Variants in PSMA5 observed in about 807,000 individuals in gnomAD.
PSMA5 encodes the protein proteasome subunit alpha type-5.
PSMA5 carries 3 observed loss-of-function variants against 34.5 expected under a neutral mutation model. The observed-to-expected ratio is 0.09, with a 90% CI of 0.04 to 0.22. The LOEUF (loss-of-function observed/expected upper bound fraction) is 0.22. Ranked by LOEUF, PSMA5 falls within the 10% of genes least tolerant of loss-of-function variation. The pLI is 1.00. For missense variants in PSMA5, 120 were observed against 286.1 expected, an observed-to-expected ratio of 0.42 and a Z score of 4.19; for synonymous variants, 88 against 95.8, an observed-to-expected ratio of 0.92 and a Z score of 0.47.
intron 8 of PSMA5, among the ~76,000 whole-genome samples, chr1:109,408,474 CTA>C (rs568351064): frequency 4.6e-5 from 7 of 152,160 alleles, no homozygotes; most frequent in Non-Finnish European, 1.0e-4. Flanking sequence ...TTCTTATTAT[CTA>C]TATGTTCCCT....
chr1:109,412,179 G>A lies in PSMA5; in HGVS notation c.297C>T (p.His99=). The change falls in exon 5 of 9, where the codon CAC becomes CAT. Residue 99 remains histidine (H), a synonymous_variant. Coordinates refer to ENST00000271308, the MANE Select transcript of PSMA5 (RefSeq NM_002790.4). ...TCATTGTCTCATTGTAGGTGAACCA[G>A]TGGTTCTAGAAGAAGAGCAAAGCAT... The part of the protein sequence containing the change: ...IDKARVETQN[H]WFTYNETMTV... 6.2e-7 allele frequency: 1 copy of A among 1,613,422 alleles called. No homozygotes were observed. Among genetic ancestry groups the A allele is most frequent in the Non-Finnish European group, 8.5e-7 (1 of 1,179,332 alleles).
chr1:109,423,730 A>G (rs1032997148), intron 1 of PSMA5, among the ~76,000 whole-genome samples: 1 of 152,038 alleles, frequency 6.6e-6, no homozygotes, highest in African/African-American at 2.4e-5. Flanking sequence ...AGTCATACCA[A>G]TTCATATCAA....
At chr1:109,421,961 TAA>T (rs754680215) in intron 1 of PSMA5, 35 bp from the exon 2 acceptor site, 1 of 1,342,422 alleles carries the variant, frequency 7.4e-7, no homozygotes, top group South Asian at 1.6e-5. Flanking sequence ...ATTATACTCA[TAA>T]AAACTAGCCA....
At chr1:109,423,996 C>T (rs1654547184) in intron 1 of PSMA5, among the ~76,000 whole-genome samples, 1 of 152,202 alleles carries the variant, frequency 6.6e-6, no homozygotes, top group Admixed American at 6.5e-5. Context: ...TCCTGCTGTT[C>T]CCATACACGT....
chr1:109,406,682 A>G (rs1226334176), intron 8 of PSMA5, among the ~76,000 whole-genome samples: 2 of 152,164 alleles, frequency 1.3e-5, no homozygotes, highest in South Asian at 4.1e-4. Context: ...AAAACAAACA[A>G]AAACATTTAT....
At chr1:109,403,245 C>A (rs1417778321) in intron 8 of PSMA5, among the ~76,000 whole-genome samples, 1 of 152,144 alleles carries the variant, frequency 6.6e-6, no homozygotes, top group Non-Finnish European at 1.5e-5. Flanking sequence ...CAATACTGAG[C>A]AATAGGTGCC....
intron 2 of PSMA5, among the ~76,000 whole-genome samples, chr1:109,415,967 G>A (rs1004110082): frequency 6.6e-6 from 1 of 152,148 alleles, no homozygotes; most frequent in East Asian, 1.9e-4. Flanking sequence ...AAGGTCGCTA[G>A]AAGTCCACAA....
intron 4 of PSMA5, chr1:109,412,848 C>T (rs1447798646): frequency 2.3e-6 from 1 of 428,362 alleles, no homozygotes; most frequent in African/African-American, 2.0e-5. Context: ...AAAAGGAAGA[C>T]ACTGTCAGCA....
intron 1 of PSMA5, chr1:109,425,991 G>A (rs1164035747): frequency 5.7e-6 from 3 of 524,190 alleles, no homozygotes; most frequent in South Asian, 2.5e-5. Flanking sequence ...AGCAAAGAGT[G>A]ACCCTTGGCC....
At chr1:109,402,173 G>T in intron 8 of PSMA5, 83 bp from the exon 9 acceptor site, 2 of 958,060 alleles carry the variant, frequency 2.1e-6, no homozygotes, top group Non-Finnish European at 1.6e-6. Flanking sequence ...AGCTGTGTTG[G>T]TGATGCAGCT....
Position 109,421,942 on chromosome 1 carries a change from A to C in PSMA5, c.30-16T>G, listed in dbSNP as rs562590622. The C allele has an allele frequency of 3.4e-6, 5 of 1,457,370 alleles. No homozygotes were observed. In the East Asian group the frequency reaches 1.4e-4, roughly 41 times the overall value. 90.3% of individuals were successfully genotyped at this position (1,457,370 alleles called of 1,614,324 possible). ...ATTCACGCCCCTATAATTTAAAAAA[A>C]AATTATTAATTATACTCATAAAAAC... On this transcript the variant is annotated splice_polypyrimidine_tract_variant and intron_variant, in intron 1 of 8. Coordinates refer to ENST00000271308, the MANE Select transcript of PSMA5 (RefSeq NM_002790.4).
rs374927722 is a variant in PSMA5 at position 109,412,057 on chromosome 1, G to T, written c.399+20C>A. On this transcript the variant is annotated intron_variant, in intron 5 of 8. Transcript: ENST00000271308. The stretch of plus-strand genomic sequence containing the variant: ...GTCCCATAGAACAATAAGAAAACTC[G>T]ACAGAAGTATCACACTCACCATGGC... The T allele has an allele frequency of 6.2e-6, 10 of 1,607,050 alleles. No individual in the cohort carries two copies. The South Asian group carries it at 7.7e-5, about 12-fold the overall frequency.
chr1:109,406,303 G>A (rs1653759155), intron 8 of PSMA5, among the ~76,000 whole-genome samples: 1 of 152,174 alleles, frequency 6.6e-6, no homozygotes, highest in South Asian at 2.1e-4. Flanking sequence ...GTTCTGTTTG[G>A]AGGAGACTTG....
At position 109,399,493 on chromosome 1, in the gene PSMA5, GAC is replaced by G. The variant is rs1357047743; in HGVS notation, c.*2518_*2519del. 1 of 152,188 alleles carries G rather than the reference GAC, an allele frequency of 6.6e-6. No homozygotes were observed. Among genetic ancestry groups the G allele is most frequent in the Non-Finnish European group, 1.5e-5 (1 of 68,058 alleles). 9.4% of individuals were successfully genotyped at this position (152,188 alleles called of 1,614,324 possible). Reference sequence around the variant, plus strand: ...TAAAGGAATATTTCTTTGTTTGGGTGACACAAAGATGAATGGTCTATTGTCTT... The same window carrying G: ...TAAAGGAATATTTCTTTGTTTGGGTGACAAAGATGAATGGTCTATTGTCTT... On this transcript the variant is annotated 3_prime_UTR_variant, in exon 9 of 9. Coordinates refer to ENST00000271308, the MANE Select transcript of PSMA5 (RefSeq NM_002790.4).
At chr1:109,415,440 A>C in intron 2 of PSMA5, 77 bp from the exon 3 acceptor site, 1 of 1,445,164 alleles carries the variant, frequency 6.9e-7, no homozygotes, top group Non-Finnish European at 9.3e-7. Context: ...GCTCTCTGTA[A>C]ATCTTCACAT....
intron 8 of PSMA5, among the ~76,000 whole-genome samples, chr1:109,408,913 A>C (rs1285338196): frequency 6.7e-6 from 1 of 149,394 alleles, no homozygotes. Flanking sequence ...CTGGTCTTGA[A>C]CTCCTGCCCT....
rs1243327525 is a variant in PSMA5 at position 109,399,727 on chromosome 1, T to G, written c.*2286A>C. 6.6e-6 allele frequency: 1 copy of G among 152,236 alleles called. No individual in the cohort carries two copies. Among genetic ancestry groups the G allele is most frequent in the African/African-American group, 2.4e-5 (1 of 41,458 alleles). The allele number at this position is 152,236 out of a possible 1,614,324, so 9.4% of individuals were successfully genotyped here. A position where few individuals can be genotyped will look rare whatever the true frequency, so the allele number is the denominator to read the frequency against. Reference sequence around the variant, plus strand: ...GGACATGGTAACTTGCATATGGCACTGAGAAAATGTTTGAGTGAATATATT... The same window carrying G: ...GGACATGGTAACTTGCATATGGCACGGAGAAAATGTTTGAGTGAATATATT... On this transcript the variant is annotated 3_prime_UTR_variant, in exon 9 of 9. Coordinates refer to ENST00000271308, the MANE Select transcript of PSMA5 (RefSeq NM_002790.4).
intron 5 of PSMA5, 60 bp from the exon 6 acceptor site, chr1:109,411,995 G>C (rs997547811): frequency 6.3e-7 from 1 of 1,585,854 alleles, no homozygotes; most frequent in African/African-American, 1.3e-5. Flanking sequence ...AGGTGAGAGG[G>C]GCTGGGAATG....
intron 6 of PSMA5, among the ~76,000 whole-genome samples, chr1:109,411,399 A>G (rs1254351645): frequency 2.6e-5 from 4 of 152,200 alleles, no homozygotes; most frequent in East Asian, 1.9e-4. Flanking sequence ...GGATCAGATC[A>G]ACATTCCAGA....
Sources: allele counts gnomAD v4.1 joint callset (sites outside exome capture counted in the v4.1 genomes callset), GRCh38; gene constraint gnomAD v4.1.1; transcripts MANE v1.5; gene names NCBI Gene and HGNC (gene_info 2026-07-23, HGNC 2026-07-21).